COPS3: variants seen among roughly 807,000 people sequenced by gnomAD.
The protein encoded by COPS3 is COP9 signalosome subunit 3, also known as COP9 signalosome complex subunit 3.
A neutral mutation model predicts 58.2 loss-of-function variants in COPS3; 10 were observed. The observed-to-expected ratio is 0.17, with a 90% CI of 0.11 to 0.29. The LOEUF (loss-of-function observed/expected upper bound fraction) is 0.29, where lower values mean the gene tolerates loss of function less well. Among genes scored for constraint, COPS3 ranks in the 10% least tolerant of loss-of-function variants. The pLI is 1.00. For synonymous variants in COPS3, 187 were observed against 181.7 expected (o/e 1.03, Z -0.24); for missense variants, 333 against 510.1 (o/e 0.65, Z 3.34).
intron 9 of COPS3, among the ~76,000 whole-genome samples, chr17:17,252,041 C>A (rs917982964): frequency 2.6e-5 from 4 of 151,482 alleles, no homozygotes; most frequent in Admixed American, 2.6e-4. Flanking sequence ...TGCACTCCAG[C>A]CTGGGTGACA....
chr17:17,274,232 A>T (rs984248958), intron 2 of COPS3, among the ~76,000 whole-genome samples: 3 of 152,092 alleles, frequency 2.0e-5, no homozygotes, highest in Non-Finnish European at 2.9e-5. Flanking sequence ...CCTGAGCTTC[A>T]TATTTTTATT....
intron 10 of COPS3, 152 bp from the exon 11 acceptor site, chr17:17,247,712 G>C: frequency 1.5e-6 from 1 of 650,214 alleles, no homozygotes; most frequent in South Asian, 2.1e-5. Context: ...AGAGTATTTT[G>C]GACTCAGAAA....
chr17:17,254,239 T>C (rs1008132643), intron 9 of COPS3, among the ~76,000 whole-genome samples: 3 of 149,942 alleles, frequency 2.0e-5, no homozygotes, highest in African/African-American at 7.4e-5. Flanking sequence ...ACCCAGGGAA[T>C]TGAGGCTGCA....
intron 8 of COPS3, among the ~76,000 whole-genome samples, chr17:17,256,950 T>C (rs111754856): frequency 3.3e-4 from 50 of 152,208 alleles, no homozygotes; most frequent in African/African-American, 1.1e-3. Context: ...CAGAGAATAG[T>C]ACCCAAGAAA....
At chr17:17,277,175 C>A (rs2048477717) in intron 1 of COPS3, among the ~76,000 whole-genome samples, 1 of 152,184 alleles carries the variant, frequency 6.6e-6, no homozygotes, top group Non-Finnish European at 1.5e-5. Flanking sequence ...CAGCATTCAG[C>A]AATCAACTTG....
At chr17:17,252,985 G>A (rs2145193339) in intron 9 of COPS3, among the ~76,000 whole-genome samples, 1 of 152,326 alleles carries the variant, frequency 6.6e-6, no homozygotes, top group African/African-American at 2.4e-5. Flanking sequence ...AGCACTTTGG[G>A]AGGCCAAGGT....
At chr17:17,248,415 A>G (rs1336770467) in intron 10 of COPS3, among the ~76,000 whole-genome samples, 1 of 152,122 alleles carries the variant, frequency 6.6e-6, no homozygotes. Flanking sequence ...CCAGGTTCTA[A>G]GAGACTTTCC....
At chr17:17,280,718 C>G in intron 1 of COPS3, 2 of 1,264,998 alleles carry the variant, frequency 1.6e-6, no homozygotes, top group Non-Finnish European at 2.1e-6. Context: ...CCGCTCCCGG[C>G]GGCCTAGTCA....
intron 1 of COPS3, among the ~76,000 whole-genome samples, chr17:17,276,858 T>C (rs1187260810): frequency 6.6e-6 from 1 of 152,156 alleles, no homozygotes; most frequent in Non-Finnish European, 1.5e-5. Flanking sequence ...GTCTGCCTAC[T>C]GTGATCTTTC....
chr17:17,254,369 C>G (rs918478747), intron 9 of COPS3, among the ~76,000 whole-genome samples: 1 of 151,370 alleles, frequency 6.6e-6, no homozygotes, highest in African/African-American at 2.4e-5. Context: ...TATGAGCACA[C>G]TAAAACTAGA....
intron 4 of COPS3, 98 bp downstream of exon 4, chr17:17,270,660 G>A (rs2145243117): frequency 7.6e-6 from 8 of 1,058,782 alleles, no homozygotes; most frequent in Non-Finnish European, 9.7e-6. Flanking sequence ...CTAGGTGGTG[G>A]ATGCTCAGTA....
chr17:17,280,025 G>A (rs377063563), intron 1 of COPS3, among the ~76,000 whole-genome samples: 14 of 152,280 alleles, frequency 9.2e-5, no homozygotes, highest in East Asian at 3.9e-4. Context: ...AGCACTTTGG[G>A]AGGCCGAGGT....
intron 8 of COPS3, among the ~76,000 whole-genome samples, chr17:17,257,444 A>T (rs2048000617): frequency 6.6e-6 from 1 of 151,994 alleles, no homozygotes; most frequent in Non-Finnish European, 1.5e-5. Context: ...CCCCAATTAC[A>T]TATAACTGGG....
chr17:17,250,496 C>T (rs1787943722), intron 9 of COPS3, among the ~76,000 whole-genome samples: 1 of 152,054 alleles, frequency 6.6e-6, no homozygotes, highest in African/African-American at 2.4e-5. Flanking sequence ...AAAAGTAAAG[C>T]CTAACACGTT....
Position 17,247,220 on chromosome 17 carries a change from G to A in COPS3, c.1219-69C>T, listed in dbSNP as rs932498346. ...CAAGGGTTCCCCGGCAGCCCAATAA[G>A]CACACCAGTTGCCCTGTCCCTCCCA... On this transcript the variant is annotated intron_variant, in intron 11 of 11. Coordinates refer to ENST00000268717, the MANE Select transcript of COPS3 (RefSeq NM_003653.4). The A allele has an allele frequency of 7.7e-6, 11 of 1,436,666 alleles. No individual in the cohort carries two copies. In the Admixed American group the frequency reaches 1.5e-4, roughly 20 times the overall value. 89.0% of individuals were successfully genotyped at this position (1,436,666 alleles called of 1,614,324 possible). A position where few individuals can be genotyped will look rare whatever the true frequency, so the allele number is the denominator to read the frequency against.
At chr17:17,259,591 G>A (rs971834838) in intron 8 of COPS3, among the ~76,000 whole-genome samples, 5 of 152,158 alleles carry the variant, frequency 3.3e-5, no homozygotes, top group African/African-American at 1.2e-4. Context: ...GTAGTACTAT[G>A]TTCACATAAG....
rs1383768354 is a variant in COPS3, at chr17:17,247,394, C to T, written c.1218+86G>A. ...AAGGTTTTCAAGAAATATTTAATAA[C>T]CTGAAACTTAGTTCCTGTGCCTGAT... On this transcript the variant is annotated intron_variant, in intron 11 of 11. Coordinates refer to ENST00000268717, the MANE Select transcript of COPS3 (RefSeq NM_003653.4). 4.7e-6 allele frequency: 6 copies of T among 1,277,658 alleles called. No homozygotes were observed. The Admixed American group carries it at 1.1e-4, about 23-fold the overall frequency. 79.1% of individuals were successfully genotyped at this position (1,277,658 alleles called of 1,614,324 possible).
chr17:17,262,213 T>C (rs1296915766), intron 6 of COPS3, 107 bp from the exon 7 acceptor site: 5 of 1,051,752 alleles, frequency 4.8e-6, no homozygotes, highest in Non-Finnish European at 6.9e-6. Flanking sequence ...TTTTTAAATG[T>C]CCCATTATTT....
chr17:17,276,223 A>T (rs2048458598), intron 1 of COPS3, 59 bp from the exon 2 acceptor site: 1 of 1,599,616 alleles, frequency 6.3e-7, no homozygotes, highest in East Asian at 2.3e-5. Flanking sequence ...AACTGATGGA[A>T]CTCTAACCAC....
Sources: allele counts gnomAD v4.1 joint callset (sites outside exome capture counted in the v4.1 genomes callset), GRCh38; gene constraint gnomAD v4.1.1; transcripts MANE v1.5; gene names NCBI Gene and HGNC (gene_info 2026-07-23, HGNC 2026-07-21).